The following DSCAM variants were observed in gnomAD, a reference collection of about 807,000 sequenced individuals.
DSCAM encodes the protein DS cell adhesion molecule, also known as cell adhesion molecule DSCAM.
Under a neutral mutation model 217.7 loss-of-function variants are expected in DSCAM, and 47 were observed. That is an observed-to-expected ratio of 0.22 (90% CI 0.17 to 0.28). The LOEUF is 0.28. Among genes scored for constraint, DSCAM ranks in the 10% least tolerant of loss-of-function variants. The probability of loss-of-function intolerance (pLI) is 1.00; values close to 1 mark genes in which losing one functional copy is unlikely to be tolerated. For synonymous variants in DSCAM, 1,056 were observed against 1,015.3 expected (o/e 1.04, Z -0.76); for missense variants, 2,080 against 2,618.3 (o/e 0.79, Z 4.49).
Position 40,089,432 on chromosome 21 carries a change from G to A in DSCAM, c.3851-2145C>T, listed in dbSNP as rs76158427. Among the ~76,000 whole-genome samples, 127 of 152,272 alleles carry A rather than the reference G, an allele frequency of 8.3e-4. 2 individuals carry two copies. In the East Asian group the frequency reaches 0.016, roughly 20 times the overall value. On this transcript the variant is annotated intron_variant, in intron 21 of 32. Coordinates refer to ENST00000400454, the MANE Select transcript of DSCAM (RefSeq NM_001389.5). ...TGGTGTCCCCTCTGATTCGGGTCCC[G>A]TTTGTTCTCAGCCATGGGGCCAGGC...
intron 1 of DSCAM, among the ~76,000 whole-genome samples, chr21:40,725,768 G>A (rs955384021): frequency 6.6e-6 from 1 of 152,138 alleles, no homozygotes; most frequent in African/African-American, 2.4e-5. Context: ...CTAGGAGTGT[G>A]GAGACCAAGG....
At chr21:40,142,479 T>G in intron 18 of DSCAM, 79 bp downstream of exon 18, 1 of 1,533,156 alleles carries the variant, frequency 6.5e-7, no homozygotes, top group Middle Eastern at 1.8e-4. Flanking sequence ...GAGCCCCTTG[T>G]TAGGAACTAG....
chr21:40,059,942 T>C (rs924112849), intron 28 of DSCAM, among the ~76,000 whole-genome samples: 9 of 152,208 alleles, frequency 5.9e-5, no homozygotes, highest in African/African-American at 2.2e-4. Flanking sequence ...CCAAATATGG[T>C]TGATTCTAAA....
chr21:40,103,425 G>A (rs756355316), intron 20 of DSCAM, among the ~76,000 whole-genome samples: 6 of 152,082 alleles, frequency 3.9e-5, no homozygotes, highest in Admixed American at 2.0e-4. Flanking sequence ...TTGTTTAGTG[G>A]CAAAGAAATG....
chr21:40,143,601 C>T lies in DSCAM; in HGVS notation c.3259+890G>A, dbSNP rs529234247. Reference sequence around the variant, plus strand: ...GGTCAGGAGATCGAGACCATCCTGGCTAACACGGTGAAAACCCGTCTCTAC... The same window carrying T: ...GGTCAGGAGATCGAGACCATCCTGGTTAACACGGTGAAAACCCGTCTCTAC... On this transcript the variant is annotated intron_variant, in intron 17 of 32. Coordinates refer to ENST00000400454, the MANE Select transcript of DSCAM (RefSeq NM_001389.5). Among the ~76,000 whole-genome samples the T allele has an allele frequency of 2.5e-4, 38 of 152,256 alleles. 1 individual carries two copies. The highest frequency in any genetic ancestry group is 9.1e-4 in the African/African-American group (38 of 41,548).
chr21:40,513,923 T>A (rs917696092), intron 3 of DSCAM, among the ~76,000 whole-genome samples: 4 of 152,080 alleles, frequency 2.6e-5, no homozygotes, highest in Non-Finnish European at 5.9e-5. Context: ...AGGCACCAGA[T>A]CACAGATTGG....
chr21:40,453,836 T>C (rs2075741825), intron 3 of DSCAM, among the ~76,000 whole-genome samples: 1 of 152,214 alleles, frequency 6.6e-6, no homozygotes, highest in Non-Finnish European at 1.5e-5. Context: ...AATTAGTCAC[T>C]AACAAGACTA....
At chr21:40,099,903 G>A (rs1051208382) in intron 20 of DSCAM, among the ~76,000 whole-genome samples, 2 of 152,200 alleles carry the variant, frequency 1.3e-5, no homozygotes, top group Non-Finnish European at 2.9e-5. Flanking sequence ...CTTGGAGTCT[G>A]AAGGACACAG....
intron 22 of DSCAM, among the ~76,000 whole-genome samples, chr21:40,086,969 G>C (rs1463528245): frequency 6.6e-6 from 1 of 152,132 alleles, no homozygotes; most frequent in Non-Finnish European, 1.5e-5. Flanking sequence ...ATTAACAGAG[G>C]GTTGATACAA....
At chr21:40,824,970 T>C (rs2091956658) in intron 1 of DSCAM, among the ~76,000 whole-genome samples, 1 of 152,240 alleles carries the variant, frequency 6.6e-6, no homozygotes, top group Non-Finnish European at 1.5e-5. Flanking sequence ...CAGAGCTTTC[T>C]CTGTATGTCC....
At chr21:40,355,728 T>G (rs2074684728) in intron 4 of DSCAM, among the ~76,000 whole-genome samples, 1 of 152,226 alleles carries the variant, frequency 6.6e-6, no homozygotes, top group Non-Finnish European at 1.5e-5. Context: ...CCATGACTCT[T>G]TTGATCTACC....
intron 1 of DSCAM, among the ~76,000 whole-genome samples, chr21:40,821,566 T>C (rs2091928574): frequency 6.6e-6 from 1 of 152,178 alleles, no homozygotes; most frequent in Non-Finnish European, 1.5e-5. Context: ...CCTCTATGTT[T>C]ATATTTAACA....
chr21:40,563,202 T>C (rs980709541), intron 3 of DSCAM, among the ~76,000 whole-genome samples: 1 of 151,058 alleles, frequency 6.6e-6, no homozygotes, highest in Non-Finnish European at 1.5e-5. Context: ...TGTCCAGGAC[T>C]CTCTCATTTT....
chr21:40,419,721 T>A (rs1170224409), intron 3 of DSCAM, among the ~76,000 whole-genome samples: 3 of 152,210 alleles, frequency 2.0e-5, no homozygotes, highest in Non-Finnish European at 4.4e-5. Context: ...ATAAATTATG[T>A]CAAAAGATAT....
chr21:40,042,096 C>A (rs559756841), intron 32 of DSCAM, among the ~76,000 whole-genome samples: 2 of 152,194 alleles, frequency 1.3e-5, no homozygotes, highest in African/African-American at 2.4e-5. Context: ...ACAGCCAGGT[C>A]GGTGAGCCAC....
intron 27 of DSCAM, among the ~76,000 whole-genome samples, chr21:40,065,895 A>G (rs915380053): frequency 7.9e-5 from 12 of 152,188 alleles, no homozygotes; most frequent in African/African-American, 2.9e-4. Flanking sequence ...TAGCACAGAG[A>G]ACCCACCTTC....
chr21:40,676,590 T>C (rs1340487332), intron 3 of DSCAM, among the ~76,000 whole-genome samples: 1 of 152,240 alleles, frequency 6.6e-6, no homozygotes, highest in Non-Finnish European at 1.5e-5. Flanking sequence ...AAAATTTTTT[T>C]ACTTAGAGGC....
chr21:40,763,492 T>C (rs1047269825), intron 1 of DSCAM, among the ~76,000 whole-genome samples: 4 of 152,142 alleles, frequency 2.6e-5, no homozygotes, highest in Non-Finnish European at 5.9e-5. Context: ...ATAGGAAGAA[T>C]CAATATTATG....
intron 3 of DSCAM, among the ~76,000 whole-genome samples, chr21:40,619,256 AAT>A (rs1196312464): frequency 2.0e-5 from 3 of 151,874 alleles, no homozygotes; most frequent in Admixed American, 1.3e-4. Flanking sequence ...GATTTATTAT[AAT>A]ATGTGATATT....
Sources: allele counts gnomAD v4.1 joint callset (sites outside exome capture counted in the v4.1 genomes callset), GRCh38; gene constraint gnomAD v4.1.1; transcripts MANE v1.5; gene names NCBI Gene and HGNC (gene_info 2026-07-23, HGNC 2026-07-21).